The following RIC8B variants were observed in gnomAD, a reference collection of about 807,000 sequenced individuals.
RIC8B encodes chaperone Ric-8B.
In RIC8B, 16 loss-of-function variants were observed where a neutral mutation model predicts 57.5. The ratio of observed to expected loss-of-function variants is 0.28; its 90% CI spans 0.19 to 0.42. The LOEUF (loss-of-function observed/expected upper bound fraction) is 0.42, where lower values mean the gene tolerates loss of function less well. RIC8B is among the 10% of genes least tolerant of loss of function. The probability of loss-of-function intolerance (pLI) is 1.00; values close to 1 mark genes in which losing one functional copy is unlikely to be tolerated. For missense variants in RIC8B, 481 were observed against 677.0 expected (o/e 0.71, Z 3.21); for synonymous variants, 216 against 250.8 (o/e 0.86, Z 1.31).
At chr12:106,822,103 A>G (rs2045877194) in intron 3 of RIC8B, among the ~76,000 whole-genome samples, 1 of 137,282 alleles carries the variant, frequency 7.3e-6, no homozygotes, top group African/African-American at 2.7e-5. Flanking sequence ...AAAAAAAAAG[A>G]AGAAAAAAAA....
chr12:106,862,120 G>A (rs368699936), intron 8 of RIC8B, among the ~76,000 whole-genome samples: 1 of 152,014 alleles, frequency 6.6e-6, no homozygotes, highest in Non-Finnish European at 1.5e-5. Context: ...CTCTGTCATG[G>A]AAAGTTTCTG....
intron 2 of RIC8B, among the ~76,000 whole-genome samples, chr12:106,804,121 C>T (rs1459412050): frequency 6.6e-6 from 1 of 152,028 alleles, no homozygotes; most frequent in Non-Finnish European, 1.5e-5. Context: ...TGATAAGTAA[C>T]ATTTATTGAC....
chr12:106,799,505 A>G (rs2044635506), intron 2 of RIC8B, among the ~76,000 whole-genome samples: 1 of 152,212 alleles, frequency 6.6e-6, no homozygotes, highest in Admixed American at 6.5e-5. Flanking sequence ...CTAGTGGCTG[A>G]ATCCAGGTGC....
At position 106,818,636 on chromosome 12, in the gene RIC8B, C is replaced by T. The variant is rs182834512; in HGVS notation, c.741+3332C>T. ...CTAATTGTTTTTTATTCTTTTAAGA[C>T]GTGGGTCTTGCTATGTTGTTCAGGC... On this transcript the variant is annotated intron_variant, in intron 3 of 9. Transcript: ENST00000392837. Among the ~76,000 whole-genome samples the T allele has an allele frequency of 9.2e-5, 14 of 152,128 alleles. No homozygotes were observed. The East Asian group carries it at 1.4e-3, about 15-fold the overall frequency.
At chr12:106,824,513 G>C (rs1047187056) in intron 3 of RIC8B, among the ~76,000 whole-genome samples, 1 of 152,148 alleles carries the variant, frequency 6.6e-6, no homozygotes, top group Non-Finnish European at 1.5e-5. Context: ...TCCTAGAAGG[G>C]TTATGTGAGT....
chr12:106,851,050 C>T (rs1200875568), intron 6 of RIC8B, among the ~76,000 whole-genome samples: 3 of 151,966 alleles, frequency 2.0e-5, no homozygotes, highest in Non-Finnish European at 4.4e-5. Flanking sequence ...TTGGAGGACT[C>T]AAGAGAAGGT....
chr12:106,871,045 G>A, intron 9 of RIC8B, 103 bp downstream of exon 9: 23 of 1,245,612 alleles, frequency 1.8e-5, no homozygotes, highest in Non-Finnish European at 2.5e-5. Flanking sequence ...GGAAATCCAT[G>A]TTGATTGGAA....
chr12:106,865,494 G>C (rs1024051098), intron 8 of RIC8B, among the ~76,000 whole-genome samples: 1 of 152,096 alleles, frequency 6.6e-6, no homozygotes, highest in Non-Finnish European at 1.5e-5. Flanking sequence ...TGTATACCCC[G>C]ATATTCCTGA....
Position 106,815,038 on chromosome 12 carries a change from G to C in RIC8B, c.475G>C (p.Asp159His), listed in dbSNP as rs1469460918. 1 of 1,614,204 alleles carries C rather than the reference G, an allele frequency of 6.2e-7. No homozygotes were observed. The highest frequency in any genetic ancestry group is 1.7e-5 in the Admixed American group (1 of 60,024). Residue 159 changes from aspartate (D) to histidine (H), a missense_variant, in exon 3 of 10, where the codon GAC becomes CAC. Physicochemically the swap from Asp to His is moderately conservative, Grantham distance 81 (BLOSUM62 -1). Around this residue, in one of 3 missense-constraint regions of RIC8B, gnomAD observed 421 missense variants for 560.9 expected, o/e 0.75. Transcript: ENST00000392837. ...GTGCAAGGACCGGAAATTTATCAAT[G>C]ACATTAAGTGCTTTGACTTGCGCTT... Reference protein sequence around the residue: ...RKCKDRKFINDIKCFDLRLLF... With the variant: ...RKCKDRKFINHIKCFDLRLLF...
intron 7 of RIC8B, among the ~76,000 whole-genome samples, chr12:106,856,361 A>G (rs1198044593): frequency 2.6e-5 from 4 of 152,174 alleles, no homozygotes; most frequent in African/African-American, 9.7e-5. Flanking sequence ...TTACCTCCAC[A>G]GAGTCTCTGT....
At chr12:106,829,422 T>C (rs1483261482) in intron 4 of RIC8B, among the ~76,000 whole-genome samples, 1 of 152,224 alleles carries the variant, frequency 6.6e-6, no homozygotes. Flanking sequence ...TAATTTATTT[T>C]AGGCTCTCAA....
chr12:106,885,109 T>A (rs1421651324), intron 9 of RIC8B, among the ~76,000 whole-genome samples: 1 of 152,220 alleles, frequency 6.6e-6, no homozygotes, highest in Non-Finnish European at 1.5e-5. Flanking sequence ...TAAGAGCCTA[T>A]GAAAAGATTA....
chr12:106,832,303 A>G (rs183270863), intron 4 of RIC8B, among the ~76,000 whole-genome samples: 1 of 152,130 alleles, frequency 6.6e-6, no homozygotes. Flanking sequence ...CCTTCATTAA[A>G]TTGTATGTAA....
chr12:106,831,950 C>T (rs1475323892), intron 4 of RIC8B, among the ~76,000 whole-genome samples: 1 of 152,164 alleles, frequency 6.6e-6, no homozygotes, highest in Non-Finnish European at 1.5e-5. Context: ...CCACAATCTG[C>T]ATGACTTTGT....
intron 4 of RIC8B, among the ~76,000 whole-genome samples, chr12:106,835,340 A>G (rs1183487072): frequency 2.0e-5 from 3 of 152,168 alleles, no homozygotes; most frequent in Non-Finnish European, 4.4e-5. Context: ...TAGGTTTAGG[A>G]ACCTGTTTTC....
At chr12:106,778,647 A>G (rs1162361295) in intron 1 of RIC8B, among the ~76,000 whole-genome samples, 3 of 152,228 alleles carry the variant, frequency 2.0e-5, no homozygotes, top group Admixed American at 6.5e-5. Context: ...TCAAGGTCAC[A>G]TAGCTAAGAA....
chr12:106,830,191 G>T (rs7297592), intron 4 of RIC8B, among the ~76,000 whole-genome samples: 53,568 of 151,922 alleles, frequency 0.35, 9,488 homozygotes, highest in South Asian at 0.38. Context: ...TTTTAAAGTG[G>T]GTTTTTCTAT....
chr12:106,805,096 G>A (rs2044946397), intron 2 of RIC8B, among the ~76,000 whole-genome samples: 1 of 152,158 alleles, frequency 6.6e-6, no homozygotes, highest in South Asian at 2.1e-4. Flanking sequence ...CCCCTTCCTG[G>A]TTAATGTGTT....
chr12:106,793,077 C>T (rs1235895325), intron 2 of RIC8B, among the ~76,000 whole-genome samples: 2 of 152,174 alleles, frequency 1.3e-5, no homozygotes, highest in Non-Finnish European at 2.9e-5. Context: ...TCCATTCTGC[C>T]CTTCCTCATG....
Sources: allele counts gnomAD v4.1 joint callset (sites outside exome capture counted in the v4.1 genomes callset), GRCh38; gene constraint gnomAD v4.1.1; regional missense constraint gnomAD v4.1.1; transcripts MANE v1.5; gene names NCBI Gene and HGNC (gene_info 2026-07-23, HGNC 2026-07-21).